The following USP14 variants were observed in gnomAD, a reference collection of about 807,000 sequenced individuals.
USP14 encodes the protein ubiquitin carboxyl-terminal hydrolase 14.
In USP14, 38 loss-of-function variants were observed where a neutral mutation model predicts 76.5. That is an observed-to-expected ratio of 0.50 (90% CI 0.38 to 0.65). USP14 has a LOEUF of 0.65. Ranked by LOEUF, USP14 falls within the 30% of genes least tolerant of loss-of-function variation. The pLI, the probability that USP14 is intolerant of heterozygous loss-of-function variation, is 0.00. For synonymous variants in USP14, 192 were observed against 191.7 expected, an observed-to-expected ratio of 1.00 and a Z score of -0.01; for missense variants, 467 against 586.5, an observed-to-expected ratio of 0.80 and a Z score of 2.10.
chr18:203,212 G>C (rs1021918708), intron 12 of USP14, 22 bp downstream of exon 12: 6 of 1,585,720 alleles, frequency 3.8e-6, no homozygotes, highest in Non-Finnish European at 5.2e-6. Context: ...ACTTTACTTT[G>C]TATAAGAAAT....
At chr18:186,284 C>T (rs1014170892) in intron 5 of USP14, among the ~76,000 whole-genome samples, 2 of 152,078 alleles carry the variant, frequency 1.3e-5, no homozygotes. Flanking sequence ...TAGTGAGACC[C>T]GCATCTCTGC....
At chr18:176,180 G>A (rs145934509) in intron 3 of USP14, among the ~76,000 whole-genome samples, 135 of 151,424 alleles carry the variant, frequency 8.9e-4, no homozygotes, top group African/African-American at 3.2e-3. Context: ...CATTTGGCCT[G>A]TTCATTTATT....
chr18:207,192 C>T (rs1910554080), intron 13 of USP14, among the ~76,000 whole-genome samples: 1 of 144,784 alleles, frequency 6.9e-6, no homozygotes, highest in Non-Finnish European at 1.6e-5. Flanking sequence ...TCCTGATGCT[C>T]ATACCAGACT....
At chr18:164,301 T>G (rs1349376182) in intron 2 of USP14, among the ~76,000 whole-genome samples, 2 of 152,158 alleles carry the variant, frequency 1.3e-5, no homozygotes, top group African/African-American at 4.8e-5. Flanking sequence ...TTTGTTTTCT[T>G]AAAAAAACTA....
chr18:180,353 C>CT lies in USP14; in HGVS notation c.404+20dup. On this transcript the variant is annotated intron_variant, in intron 5 of 15. Transcript: ENST00000261601. ...TGCCCTTAAAAGGTAAGACTGCAGT[C>CT]TTTTTTGGGTAAGGGATGTTCACAT... The CT allele has an allele frequency of 5.2e-6, 8 of 1,543,520 alleles. No homozygotes were observed. The highest frequency in any genetic ancestry group is 3.8e-5 in the Admixed American group (2 of 52,260).
At chr18:210,171 C>CAT (rs1910632042) in intron 14 of USP14, 140 bp downstream of exon 14, 3 of 766,526 alleles carry the variant, frequency 3.9e-6, no homozygotes, top group Admixed American at 6.4e-5. Flanking sequence ...ACCTTAATGA[C>CAT]ATATAGTAAA....
intron 13 of USP14, among the ~76,000 whole-genome samples, chr18:208,907 G>T (rs972227525): frequency 1.3e-5 from 2 of 152,050 alleles, no homozygotes; most frequent in Non-Finnish European, 2.9e-5. Flanking sequence ...CACCATGCCT[G>T]GCTAATTTTT....
chr18:188,126 A>G (rs981653071), intron 5 of USP14, among the ~76,000 whole-genome samples: 1 of 152,074 alleles, frequency 6.6e-6, no homozygotes, highest in South Asian at 2.1e-4. Context: ...AGGGTTAAAT[A>G]TTGATCTTGG....
chr18:158,672 C>T lies in USP14; in HGVS notation c.-27C>T, dbSNP rs757743005. On this transcript the variant is annotated 5_prime_UTR_variant, in exon 1 of 16. Transcript: ENST00000261601. The stretch of plus-strand genomic sequence containing the variant: ...GCCCTCGTCAGGCCCAGCTCTCCTG[C>T]GCCGCCGCCTCCCGCCGCGCCCCGC... 2 of 1,519,312 alleles carry T rather than the reference C, an allele frequency of 1.3e-6. No individual in the cohort carries two copies. Among genetic ancestry groups the T allele is most frequent in the South Asian group, 1.2e-5 (1 of 82,428 alleles). 94.1% of individuals were successfully genotyped at this position (1,519,312 alleles called of 1,614,324 possible).
chr18:170,289 G>A (rs536645717), intron 3 of USP14, among the ~76,000 whole-genome samples: 2 of 152,240 alleles, frequency 1.3e-5, no homozygotes, highest in South Asian at 4.1e-4. Context: ...GGCCAACAGA[G>A]CGAGACTCTG....
chr18:159,983 T>G (rs550135826), intron 1 of USP14, among the ~76,000 whole-genome samples: 1 of 152,334 alleles, frequency 6.6e-6, no homozygotes, highest in African/African-American at 2.4e-5. Context: ...ACATTTTAAG[T>G]ACTATTTCAT....
intron 12 of USP14, 23 bp from the exon 13 acceptor site, chr18:204,541 G>A: frequency 4.6e-6 from 7 of 1,532,182 alleles, no homozygotes; most frequent in Non-Finnish European, 6.2e-6. Flanking sequence ...GTTTACACAT[G>A]TTTTTTGTTT....
chr18:186,468 A>G (rs1270990034), intron 5 of USP14, among the ~76,000 whole-genome samples: 1 of 150,606 alleles, frequency 6.6e-6, no homozygotes, highest in Non-Finnish European at 1.5e-5. Context: ...AAAAAAAGAG[A>G]TGGGCCAGGA....
intron 1 of USP14, among the ~76,000 whole-genome samples, chr18:160,927 T>A (rs1007607101): frequency 3.3e-5 from 5 of 152,270 alleles, no homozygotes; most frequent in African/African-American, 1.2e-4. Context: ...TATTTTATTT[T>A]ATTTTTTTTT....
chr18:179,337 A>G (rs1909716907), intron 4 of USP14, among the ~76,000 whole-genome samples: 1 of 152,134 alleles, frequency 6.6e-6, no homozygotes, highest in Non-Finnish European at 1.5e-5. Context: ...ATCTGTAATA[A>G]ATATGTTCCT....
rs1910730144 is a variant in USP14 at position 213,355 on chromosome 18, T to TC, written c.*2071_*2072insC. The TC allele has an allele frequency of 2.1e-5, 3 of 146,230 alleles. No homozygotes were observed. In the East Asian group the frequency reaches 6.0e-4, roughly 29 times the overall value. 9.1% of individuals were successfully genotyped at this position (146,230 alleles called of 1,614,324 possible). A position where few individuals can be genotyped will look rare whatever the true frequency, so the allele number is the denominator to read the frequency against. ...ATTGTAATTAATTCCTTATCATCAT[T>TC]ATAAAAAGCTTGATTTTTTTATTTG... On this transcript the variant is annotated 3_prime_UTR_variant, in exon 16 of 16. Coordinates refer to ENST00000261601, the MANE Select transcript of USP14 (RefSeq NM_005151.4).
chr18:200,922 C>T (rs1910368154), intron 10 of USP14, among the ~76,000 whole-genome samples: 1 of 152,146 alleles, frequency 6.6e-6, no homozygotes, highest in Non-Finnish European at 1.5e-5. Context: ...CTGCCTTAGC[C>T]TCCTGAGTAG....
intron 3 of USP14, among the ~76,000 whole-genome samples, chr18:172,799 G>C (rs1361151263): frequency 6.6e-6 from 1 of 152,106 alleles, no homozygotes; most frequent in Admixed American, 6.6e-5. Context: ...TTCACAGACT[G>C]ATATAAACAT....
chr18:176,358 G>T (rs1228840066), intron 3 of USP14, among the ~76,000 whole-genome samples: 2 of 152,124 alleles, frequency 1.3e-5, no homozygotes, highest in African/African-American at 4.8e-5. Context: ...TTGCTATGTT[G>T]CTGAGGCTGA....
Sources: gnomAD v4.1 joint callset for allele counts (sites outside exome capture counted in the v4.1 genomes callset) on GRCh38, gnomAD v4.1.1 for gene constraint, MANE v1.5 for transcripts, NCBI Gene and HGNC (gene_info 2026-07-23, HGNC 2026-07-21) for gene names.